The following NBEA variants were observed in gnomAD, a reference collection of about 807,000 sequenced individuals.
The protein encoded by NBEA is neurobeachin, also known as lysosomal-trafficking regulator 2.
In NBEA, 44 loss-of-function variants were observed where a neutral mutation model predicts 343.4. That is an observed-to-expected ratio of 0.13 (90% confidence interval 0.10 to 0.16). The LOEUF is 0.16. Ranked by LOEUF, NBEA falls within the 10% of genes least tolerant of loss-of-function variation. The pLI is 1.00. For missense variants in NBEA, 2,555 were observed against 3,631.3 expected (o/e 0.70, Z 7.62); for synonymous variants, 1,175 against 1,238.7 (o/e 0.95, Z 1.08).
chr13:35,047,967 A>G (rs114811143), intron 4 of NBEA, among the ~76,000 whole-genome samples: 2,412 of 151,766 alleles, frequency 0.016, 65 homozygotes, highest in African/African-American at 0.05. Flanking sequence ...AGGGAGTCCT[A>G]TATTACTCCT....
At chr13:35,539,148 C>A (rs2078691985) in intron 41 of NBEA, among the ~76,000 whole-genome samples, 1 of 152,140 alleles carries the variant, frequency 6.6e-6, no homozygotes, top group Admixed American at 6.5e-5. Context: ...CAGAGACATA[C>A]AGAATTCCTG....
At chr13:35,195,815 A>G (rs1444836351) in intron 30 of NBEA, 49 bp from the exon 31 acceptor site, 8 of 1,448,280 alleles carry the variant, frequency 5.5e-6, no homozygotes, top group Non-Finnish European at 7.4e-6. Context: ...TAATAATACA[A>G]GATTTTTACT....
intron 1 of NBEA, among the ~76,000 whole-genome samples, chr13:34,977,307 A>G (rs1189011455): frequency 2.0e-5 from 3 of 150,506 alleles, no homozygotes; most frequent in Non-Finnish European, 4.4e-5. Flanking sequence ...AATTGTACAT[A>G]ATTATCTTTT....
At chr13:35,290,344 T>C in intron 34 of NBEA, 45 bp from the exon 35 acceptor site, 1 of 1,214,136 alleles carries the variant, frequency 8.2e-7, no homozygotes, top group Non-Finnish European at 1.2e-6. Flanking sequence ...AATGATAATT[T>C]CTGCCATTGT....
intron 41 of NBEA, among the ~76,000 whole-genome samples, chr13:35,530,778 T>C (rs1003674142): frequency 6.6e-6 from 1 of 152,236 alleles, no homozygotes; most frequent in Non-Finnish European, 1.5e-5. Flanking sequence ...GGACTTGTGA[T>C]AAGCCAATTA....
rs747402440 is a variant in NBEA at position 35,645,914 on chromosome 13, A to C, written c.7663A>C (p.Thr2555Pro). The part of the protein sequence containing the change: ...FIRDPHTFLL[T>P]KDFIKAMEAQ... ...TAGAGACCCCCACACTTTCCTTCTTACAAAGGACTTTATTAAGGTATATGT... is the reference window on the plus strand; with the variant it reads ...TAGAGACCCCCACACTTTCCTTCTTCCAAAGGACTTTATTAAGGTATATGT... The change falls in exon 50 of 59, where the codon ACA (threonine) becomes CCA (proline). Residue 2555 changes from threonine to proline, a missense_variant. Transcript: ENST00000379939. 1 of 1,571,834 alleles carries C rather than the reference A, an allele frequency of 6.4e-7. No homozygotes were observed. Among genetic ancestry groups the C allele is most frequent in the Non-Finnish European group, 8.7e-7 (1 of 1,154,458 alleles).
chr13:35,220,987 G>T (rs1254233983), intron 33 of NBEA, among the ~76,000 whole-genome samples: 1 of 151,914 alleles, frequency 6.6e-6, no homozygotes, highest in Non-Finnish European at 1.5e-5. Flanking sequence ...GCTGTGTCCA[G>T]TCTTCTCAGT....
intron 38 of NBEA, among the ~76,000 whole-genome samples, chr13:35,376,349 T>C (rs1247609616): frequency 6.6e-6 from 1 of 152,198 alleles, no homozygotes; most frequent in Non-Finnish European, 1.5e-5. Context: ...TTAAATTTAG[T>C]TAAATTTAAT....
rs35238270 is a variant in NBEA at position 35,652,340 on chromosome 13, T to TAA, written c.8035+480_8035+481dup. Among the ~76,000 whole-genome samples, 35 of 137,600 alleles carry TAA rather than the reference T, an allele frequency of 2.5e-4. No individual in the cohort carries two copies. In the East Asian group the frequency reaches 4.1e-3, roughly 16 times the overall value. The allele number at this position is 137,600 out of a possible 152,430, so 90.3% of individuals were successfully genotyped here. A position where few individuals can be genotyped will look rare whatever the true frequency, so the allele number is the denominator to read the frequency against. On this transcript the variant is annotated intron_variant, in intron 53 of 58. Transcript: ENST00000379939. Reference sequence around the variant, plus strand: ...GCACATGTACCCCAGAACTTAAATTTAAAAAAAAAAAAAAAAAGGGCCGGG... The same window carrying TAA: ...GCACATGTACCCCAGAACTTAAATTTAAAAAAAAAAAAAAAAAAAGGGCCGGG...
At chr13:35,200,007 T>G (rs2072906496) in intron 31 of NBEA, among the ~76,000 whole-genome samples, 1 of 152,034 alleles carries the variant, frequency 6.6e-6, no homozygotes, top group Admixed American at 6.6e-5. Flanking sequence ...TGTTCTATAA[T>G]GAGCAAACAC....
chr13:35,492,247 A>G (rs990142545), intron 41 of NBEA, among the ~76,000 whole-genome samples: 1 of 151,908 alleles, frequency 6.6e-6, no homozygotes, highest in Non-Finnish European at 1.5e-5. Flanking sequence ...GGTTTAATGT[A>G]TACTGCTCAA....
intron 34 of NBEA, among the ~76,000 whole-genome samples, chr13:35,283,679 A>G (rs868068678): frequency 6.6e-6 from 1 of 152,166 alleles, no homozygotes. Context: ...GCTCCCTAAT[A>G]AAACACATTA....
At chr13:35,326,833 C>T (rs1318636648) in intron 36 of NBEA, among the ~76,000 whole-genome samples, 2 of 151,916 alleles carry the variant, frequency 1.3e-5, no homozygotes, top group African/African-American at 4.8e-5. Flanking sequence ...AAGTAACTGT[C>T]AACAAAGTAA....
chr13:35,157,208 A>G lies in NBEA; in HGVS notation c.2782A>G (p.Ile928Val), dbSNP rs767652052. 4.2e-5 allele frequency: 67 copies of G among 1,609,322 alleles called. No individual in the cohort carries two copies. The highest frequency in any genetic ancestry group is 5.4e-5 in the Non-Finnish European group (64 of 1,177,632). ...CTTCCGGATTCTTTTGTATCATGCA[A>G]TAAAATATGAATGGGGAGGCTGGAG... is the stretch of plus-strand genomic sequence containing the variant. ...NIFRILLYHA[I>V]KYEWGGWRVW... The change falls in exon 21 of 59, where the codon ATA becomes GTA. Residue 928 changes from isoleucine (I) to valine (V), a missense_variant. Physicochemically the swap from Ile to Val is conservative, Grantham distance 29. Coordinates refer to ENST00000379939, the MANE Select transcript of NBEA (RefSeq NM_001385012.1).
At chr13:35,024,224 C>A (rs2152543497) in intron 1 of NBEA, among the ~76,000 whole-genome samples, 1 of 152,258 alleles carries the variant, frequency 6.6e-6, no homozygotes, top group Non-Finnish European at 1.5e-5. Context: ...CACCACATTT[C>A]TTTATCCAGC....
At chr13:35,181,118 GTGCTGCTATAAACA>G (rs1204050749) in intron 28 of NBEA, among the ~76,000 whole-genome samples, 1 of 151,878 alleles carries the variant, frequency 6.6e-6, no homozygotes, top group Admixed American at 6.6e-5. Context: ...ATTGAAAATT[GTGCTGCTATAAACA>G]TGCATGTGCA....
intron 1 of NBEA, among the ~76,000 whole-genome samples, chr13:34,949,692 T>C (rs1168226009): frequency 6.6e-6 from 1 of 152,206 alleles, no homozygotes; most frequent in Non-Finnish European, 1.5e-5. Context: ...AGTGCAGTTA[T>C]TGTTTCTTAA....
intron 1 of NBEA, among the ~76,000 whole-genome samples, chr13:34,996,357 T>C (rs1373714262): frequency 6.6e-6 from 1 of 152,166 alleles, no homozygotes; most frequent in Non-Finnish European, 1.5e-5. Context: ...TGATAGATAC[T>C]TGCCACCTTA....
chr13:35,213,245 C>T (rs955877537), intron 33 of NBEA, among the ~76,000 whole-genome samples: 5 of 151,980 alleles, frequency 3.3e-5, no homozygotes, highest in Non-Finnish European at 7.4e-5. Flanking sequence ...TGTGTTCTGT[C>T]ACTTTTGTCA....
Sources: allele counts gnomAD v4.1 joint callset (sites outside exome capture counted in the v4.1 genomes callset), GRCh38; gene constraint gnomAD v4.1.1; transcripts MANE v1.5; gene names NCBI Gene and HGNC (gene_info 2026-07-23, HGNC 2026-07-21).